The following CD99L2 variants were observed in gnomAD, a reference collection of about 807,000 sequenced individuals.
The protein encoded by CD99L2 is CD99 molecule like 2.
Under a neutral mutation model 27.3 loss-of-function variants are expected in CD99L2, and 24 were observed. The ratio of observed to expected loss-of-function variants is 0.88; its 90% CI spans 0.64 to 1.24. The LOEUF (loss-of-function observed/expected upper bound fraction) is 1.24. Ranked by LOEUF, CD99L2 falls within the 50% of genes most tolerant of loss-of-function variation. The pLI, the probability that CD99L2 is intolerant of heterozygous loss-of-function variation, is 0.00. For synonymous variants in CD99L2, 97 were observed against 87.9 expected, an observed-to-expected ratio of 1.10 and a Z score of -0.58; for missense variants, 255 against 221.6, an observed-to-expected ratio of 1.15 and a Z score of -0.96.
At chrX:150,824,522 A>AG in intron 2 of CD99L2, among the ~76,000 whole-genome samples, 1 of 98,774 alleles carries the variant, frequency 1.0e-5, no homozygotes, top group African/African-American at 3.7e-5. Context: ...GGAAGGAAGA[A>AG]GAAAGAAGAA....
chrX:150,787,938 T>G (rs2045626504), intron 7 of CD99L2, among the ~76,000 whole-genome samples: 4 of 89,300 alleles, frequency 4.5e-5, no homozygotes, highest in Non-Finnish European at 6.6e-5. Context: ...AAGGAGTCCT[T>G]TCCCCACTGC....
At chrX:150,837,991 C>T (rs782384206) in intron 1 of CD99L2, among the ~76,000 whole-genome samples, 2 of 112,209 alleles carry the variant, frequency 1.8e-5, no homozygotes, top group African/African-American at 6.5e-5. Flanking sequence ...CTACCTGAGC[C>T]GGGTGACCAA....
rs1451552826 is a variant in CD99L2, at chrX:150,874,125, T to C, written c.67+24397A>G. On this transcript the variant is annotated intron_variant, in intron 1 of 10. Coordinates refer to ENST00000370377, the MANE Select transcript of CD99L2 (RefSeq NM_031462.4). ...AAAACCAGAGTTCTTGGCCTCGGTC[T>C]AGTGGCAGAGACATTTAAACAAATG... 2.7e-5 allele frequency among the ~76,000 whole-genome samples: 3 copies of C among 112,128 alleles called. No homozygotes were observed. The Admixed American group carries it at 2.8e-4, about 11-fold the overall frequency.
chrX:150,818,280 C>T (rs1415226624), intron 2 of CD99L2, among the ~76,000 whole-genome samples: 1 of 106,568 alleles, frequency 9.4e-6, no homozygotes, highest in Non-Finnish European at 1.9e-5. Context: ...GAACATACCA[C>T]CCAATAGCAA....
Position 150,776,174 on chromosome X carries a change from G to A in CD99L2, c.655C>T (p.Gln219Ter), listed in dbSNP as rs782549916. ...QQKKFCFSIQ[Q>*]GLNADYVKGE... Reference sequence around the variant, plus strand: ...GCCACGAGTGGGTGGCTGCACTTACGCTGAATGCTGAAGCAGAACTTCTTC... The same window carrying A: ...GCCACGAGTGGGTGGCTGCACTTACACTGAATGCTGAAGCAGAACTTCTTC... The change falls in exon 9 of 11, where the codon CAG (glutamine) becomes TAG (stop). Residue 219 changes from glutamine to a stop codon, truncating the protein, a stop_gained and splice_region_variant. Transcript: ENST00000370377. LOFTEE classifies it high-confidence loss of function. 5.0e-6 allele frequency: 6 copies of A among 1,208,822 alleles called. No homozygotes were observed. The highest frequency in any genetic ancestry group is 2.2e-5 in the Admixed American group (1 of 45,657).
intron 4 of CD99L2, among the ~76,000 whole-genome samples, chrX:150,800,903 T>C (rs2045894368): frequency 9.1e-6 from 1 of 109,724 alleles, no homozygotes; most frequent in Non-Finnish European, 1.9e-5. Context: ...TGGTGGTGCA[T>C]GCCTATAATC....
chrX:150,821,043 C>G (rs1167926265), intron 2 of CD99L2, among the ~76,000 whole-genome samples: 1 of 111,735 alleles, frequency 8.9e-6, no homozygotes, highest in Non-Finnish European at 1.9e-5. Flanking sequence ...GAATGAAATC[C>G]TACGTCCATA....
chrX:150,776,604 C>A (rs1382901510), intron 8 of CD99L2, among the ~76,000 whole-genome samples: 1 of 111,898 alleles, frequency 8.9e-6, no homozygotes, highest in Non-Finnish European at 1.9e-5. Flanking sequence ...CTTCCCCCGG[C>A]ACCCCAATCT....
chrX:150,861,976 A>G (rs868910795), intron 1 of CD99L2, among the ~76,000 whole-genome samples: 22 of 110,692 alleles, frequency 2.0e-4, no homozygotes, highest in Middle Eastern at 4.7e-3. Context: ...TAGAAAATCT[A>G]GAAGAAATGG....
intron 1 of CD99L2, among the ~76,000 whole-genome samples, chrX:150,894,856 TGA>T (rs782200584): frequency 7.2e-5 from 8 of 111,521 alleles, no homozygotes; most frequent in African/African-American, 2.6e-4. Flanking sequence ...CCCAAAGTGC[TGA>T]GATTACAGGC....
chrX:150,787,888 GTATATATATATATATATATATATA>G (rs527795783), intron 7 of CD99L2, among the ~76,000 whole-genome samples: 1 of 63,860 alleles, frequency 1.6e-5, no homozygotes, highest in African/African-American at 5.0e-5. Flanking sequence ...AGAACTTAAA[GTATATATATATATATATATATATA>G]TATATATATA....
intron 7 of CD99L2, among the ~76,000 whole-genome samples, chrX:150,785,794 C>T (rs1448544212): frequency 8.9e-6 from 1 of 112,138 alleles, no homozygotes; most frequent in Non-Finnish European, 1.9e-5. Context: ...TTGTTTTTGA[C>T]ATTTATCCAT....
chrX:150,876,461 CA>C (rs1275513403), intron 1 of CD99L2, among the ~76,000 whole-genome samples: 1 of 112,212 alleles, frequency 8.9e-6, no homozygotes, highest in Non-Finnish European at 1.9e-5. Flanking sequence ...TAATACAAAA[CA>C]AATCAAAATA....
intron 4 of CD99L2, among the ~76,000 whole-genome samples, chrX:150,806,772 T>C (rs1469068825): frequency 1.8e-5 from 2 of 110,501 alleles, no homozygotes; most frequent in Non-Finnish European, 3.8e-5. Context: ...GAGCCTGTAA[T>C]CCCAGCTACT....
At chrX:150,883,768 T>C (rs782371759) in intron 1 of CD99L2, among the ~76,000 whole-genome samples, 2 of 111,593 alleles carry the variant, frequency 1.8e-5, no homozygotes, top group Admixed American at 9.6e-5. Flanking sequence ...GAGTGAGTAT[T>C]AGTAGAAAAA....
At chrX:150,820,643 T>A in intron 2 of CD99L2, among the ~76,000 whole-genome samples, 1 of 111,820 alleles carries the variant, frequency 8.9e-6, no homozygotes, top group Non-Finnish European at 1.9e-5. Context: ...CCACTCTTAT[T>A]CAACATTGTA....
At chrX:150,872,552 A>C (rs1372636067) in intron 1 of CD99L2, among the ~76,000 whole-genome samples, 2 of 105,069 alleles carry the variant, frequency 1.9e-5, no homozygotes, top group Non-Finnish European at 3.9e-5. Flanking sequence ...TAAAAAAAAA[A>C]AAAAACTTAA....
chrX:150,791,059 G>C (rs1309793105), intron 7 of CD99L2, among the ~76,000 whole-genome samples: 3 of 111,058 alleles, frequency 2.7e-5, no homozygotes, highest in African/African-American at 9.8e-5. Flanking sequence ...GACACAACAA[G>C]AAGATAGCCA....
intron 2 of CD99L2, among the ~76,000 whole-genome samples, chrX:150,829,995 C>T (rs2046417528): frequency 9.1e-6 from 1 of 109,375 alleles, no homozygotes; most frequent in Non-Finnish European, 1.9e-5. Flanking sequence ...CCTCTACTAA[C>T]ATACAAAAAA....
Sources: allele counts gnomAD v4.1 joint callset (sites outside exome capture counted in the v4.1 genomes callset), GRCh38; gene constraint gnomAD v4.1.1; transcripts MANE v1.5; gene names NCBI Gene and HGNC (gene_info 2026-07-23, HGNC 2026-07-21).